The following DTD1 variants were observed in gnomAD, a reference collection of about 807,000 sequenced individuals.
DTD1 encodes the protein D-tyrosyl-tRNA deacylase 1 homolog.
A neutral mutation model predicts 25.6 loss-of-function variants in DTD1; 13 were observed. That is an observed-to-expected ratio of 0.51 (90% CI 0.33 to 0.81). The LOEUF is 0.81. DTD1 is among the 30% of genes least tolerant of loss of function. The pLI, the probability that DTD1 is intolerant of heterozygous loss-of-function variation, is 0.02. For missense variants in DTD1, 193 were observed against 266.4 expected, an observed-to-expected ratio of 0.72 and a Z score of 1.92; for synonymous variants, 110 against 103.6, an observed-to-expected ratio of 1.06 and a Z score of -0.37.
intron 4 of DTD1, among the ~76,000 whole-genome samples, chr20:18,692,367 C>T (rs1372203817): frequency 6.6e-6 from 1 of 152,198 alleles, no homozygotes; most frequent in African/African-American, 2.4e-5. Flanking sequence ...TCATATTTGC[C>T]ACAAGCTCTC....
At chr20:18,686,044 C>T (rs568187104) in intron 4 of DTD1, among the ~76,000 whole-genome samples, 1 of 152,318 alleles carries the variant, frequency 6.6e-6, no homozygotes, top group East Asian at 1.9e-4. Flanking sequence ...TCACTTTTGT[C>T]GCCCTGGTTC....
intron 3 of DTD1, among the ~76,000 whole-genome samples, chr20:18,617,813 G>T (rs1467784597): frequency 6.6e-6 from 1 of 151,180 alleles, no homozygotes; most frequent in Non-Finnish European, 1.5e-5. Flanking sequence ...TTATATCTTG[G>T]CTTTAAAAAA....
At chr20:18,643,039 C>G (rs1234114697) in intron 4 of DTD1, 1 of 159,754 alleles carries the variant, frequency 6.3e-6, no homozygotes, top group African/African-American at 2.4e-5. Context: ...CCTCAGCCTC[C>G]CCAGTAGCTG....
chr20:18,632,174 A>G (rs41278986), intron 4 of DTD1: 13,306 of 985,262 alleles, frequency 0.014, 107 homozygotes, highest in African/African-American at 0.024. Flanking sequence ...CCCCAAATCA[A>G]AAAATCCTCA....
intron 4 of DTD1, among the ~76,000 whole-genome samples, chr20:18,733,419 A>T (rs1156797593): frequency 6.6e-6 from 1 of 152,206 alleles, no homozygotes; most frequent in Non-Finnish European, 1.5e-5. Flanking sequence ...TGGGGGACAC[A>T]GTGGGCTCTG....
intron 4 of DTD1, chr20:18,631,554 C>T (rs551583741): frequency 1.0e-6 from 1 of 985,490 alleles, no homozygotes; most frequent in Non-Finnish European, 1.2e-6. Context: ...TCTGCTCTGC[C>T]ACAGTGTCCT....
chr20:18,716,101 A>G (rs1017946389), intron 4 of DTD1, among the ~76,000 whole-genome samples: 1 of 152,184 alleles, frequency 6.6e-6, no homozygotes, highest in Non-Finnish European at 1.5e-5. Context: ...AGCACCCAGC[A>G]TGTTTCAATG....
intron 4 of DTD1, among the ~76,000 whole-genome samples, chr20:18,733,798 G>A (rs183663098): frequency 1.1e-4 from 16 of 152,258 alleles, no homozygotes; most frequent in African/African-American, 3.4e-4. Context: ...AAAACCTCAA[G>A]CAGAGTTAAT....
chr20:18,639,591 G>A (rs1043741000), intron 4 of DTD1, among the ~76,000 whole-genome samples: 1 of 152,264 alleles, frequency 6.6e-6, no homozygotes, highest in East Asian at 1.9e-4. Flanking sequence ...CTGGTCAAGA[G>A]TCTCGCAGCA....
intron 5 of DTD1, among the ~76,000 whole-genome samples, chr20:18,744,737 T>C (rs2061293690): frequency 6.6e-6 from 1 of 151,416 alleles, no homozygotes; most frequent in Non-Finnish European, 1.5e-5. Context: ...TGGGGGAAAC[T>C]GCCCCCATGA....
chr20:18,625,479 G>C (rs1462094879), intron 3 of DTD1, among the ~76,000 whole-genome samples: 1 of 152,196 alleles, frequency 6.6e-6, no homozygotes, highest in African/African-American at 2.4e-5. Context: ...CAGCCTCTGG[G>C]GCACTGGGGA....
intron 5 of DTD1, among the ~76,000 whole-genome samples, chr20:18,763,045 A>AT (rs1292139935): frequency 2.6e-5 from 4 of 152,098 alleles, no homozygotes; most frequent in African/African-American, 9.7e-5. Flanking sequence ...ACTTCAAAGT[A>AT]TTTTCTATTT....
chr20:18,642,309 T>C (rs918843905), intron 4 of DTD1, among the ~76,000 whole-genome samples: 5 of 152,198 alleles, frequency 3.3e-5, no homozygotes, highest in African/African-American at 1.2e-4. Flanking sequence ...CTTTTATTAC[T>C]ATTATTATTA....
chr20:18,637,429 G>T (rs2060811555), intron 4 of DTD1, among the ~76,000 whole-genome samples: 1 of 152,224 alleles, frequency 6.6e-6, no homozygotes, highest in Non-Finnish European at 1.5e-5. Flanking sequence ...GGGTGACATT[G>T]AGGCATATGC....
intron 4 of DTD1, among the ~76,000 whole-genome samples, chr20:18,708,015 A>T (rs762873710): frequency 1.4e-4 from 21 of 149,902 alleles, no homozygotes; most frequent in African/African-American, 4.9e-4. Context: ...GCATTAGGGG[A>T]TGGTTAGGAG....
At chr20:18,691,743 A>G (rs952996087) in intron 4 of DTD1, among the ~76,000 whole-genome samples, 38 of 152,218 alleles carry the variant, frequency 2.5e-4, no homozygotes, top group African/African-American at 8.9e-4. Flanking sequence ...AAACCTACAC[A>G]TGTACCCTCT....
At chr20:18,598,509 T>G (rs1469596886) in intron 3 of DTD1, among the ~76,000 whole-genome samples, 2 of 152,044 alleles carry the variant, frequency 1.3e-5, no homozygotes, top group African/African-American at 4.8e-5. Flanking sequence ...AGTAATTTTT[T>G]TTTTTTGAGA....
At chr20:18,637,386 A>G (rs768338034) in intron 4 of DTD1, among the ~76,000 whole-genome samples, 2 of 152,166 alleles carry the variant, frequency 1.3e-5, no homozygotes, top group African/African-American at 2.4e-5. Flanking sequence ...CAACAGCTCA[A>G]TATGTTAGTG....
chr20:18,746,935 G>A (rs767461434), intron 5 of DTD1, among the ~76,000 whole-genome samples: 11 of 152,174 alleles, frequency 7.2e-5, no homozygotes, highest in African/African-American at 2.7e-4. Context: ...GTGGTGACCA[G>A]CCTTGGCTTA....
Sources: allele counts gnomAD v4.1 joint callset (sites outside exome capture counted in the v4.1 genomes callset), GRCh38; gene constraint gnomAD v4.1.1; transcripts MANE v1.5; gene names NCBI Gene and HGNC (gene_info 2026-07-23, HGNC 2026-07-21).